Variants in PCLO observed in about 807,000 individuals in gnomAD.
PCLO encodes the protein piccolo presynaptic cytomatrix protein.
PCLO carries 82 observed loss-of-function variants against 427.5 expected under a neutral mutation model. That is an observed-to-expected ratio of 0.19 (90% CI 0.16 to 0.23). The LOEUF (loss-of-function observed/expected upper bound fraction) is 0.23, where lower values mean the gene tolerates loss of function less well. PCLO is among the 10% of genes least tolerant of loss of function. The probability of loss-of-function intolerance (pLI) is 1.00; values close to 1 mark genes in which losing one functional copy is unlikely to be tolerated. For synonymous variants in PCLO, 2,357 were observed against 2,155.4 expected, an observed-to-expected ratio of 1.09 and a Z score of -2.59; for missense variants, 6,239 against 6,115.9, an observed-to-expected ratio of 1.02 and a Z score of -0.67.
chr7:83,096,003 G>A (rs975727), intron 3 of PCLO, among the ~76,000 whole-genome samples: 54,737 of 151,622 alleles, frequency 0.36, 10,732 homozygotes, highest in East Asian at 0.64. Flanking sequence ...TCATTAAATC[G>A]GGGAGTTTAT....
chr7:83,139,309 T>A (rs1235084354), intron 2 of PCLO, among the ~76,000 whole-genome samples: 1 of 152,226 alleles, frequency 6.6e-6, no homozygotes, highest in Non-Finnish European at 1.5e-5. Flanking sequence ...TTTCTCTTTT[T>A]TTCTTCTGAA....
intron 3 of PCLO, among the ~76,000 whole-genome samples, chr7:83,050,456 A>T (rs1789223173): frequency 6.6e-6 from 1 of 151,698 alleles, no homozygotes; most frequent in African/African-American, 2.4e-5. Flanking sequence ...ATTAACTATC[A>T]TTTATACACT....
rs1186204207 is a variant in PCLO at position 82,956,501 on chromosome 7, T to C, written c.4452A>G (p.Gln1484=). 6.2e-7 allele frequency: 1 copy of C among 1,613,292 alleles called. No homozygotes were observed. The highest frequency in any genetic ancestry group is 1.1e-5 in the South Asian group (1 of 90,940). ...ERKDTFKKDS[Q]QDIPSSKDHK... ...GGTCCTTGCTGGAAGGAATATCTTG[T>C]TGGCTATCTTTTTTAAAAGTGTCTT... Residue 1484 remains glutamine, a synonymous_variant, in exon 5 of 25, where the codon CAA becomes CAG. Transcript: ENST00000333891.
intron 20 of PCLO, among the ~76,000 whole-genome samples, chr7:82,806,968 A>T (rs1269619931): frequency 2.7e-4 from 24 of 87,686 alleles, no homozygotes; most frequent in Admixed American, 4.0e-4. Context: ...TTCTCAAGGT[A>T]TCCCCACTCT....
rs879320268 is a variant in PCLO, at chr7:83,003,671, C to G, written c.3301-37184G>C. On this transcript the variant is annotated intron_variant, in intron 3 of 24. Coordinates refer to ENST00000333891, the MANE Select transcript of PCLO (RefSeq NM_033026.6). ...TATTGATTTGCATATGTTGCACCAT[C>G]TTTGCATCCTAAGGATAAATCCCCC... Among the ~76,000 whole-genome samples the G allele has an allele frequency of 1.7e-4, 26 of 151,860 alleles. No homozygotes were observed. In the Admixed American group the frequency reaches 1.7e-3, roughly 10 times the overall value.
intron 13 of PCLO, among the ~76,000 whole-genome samples, chr7:82,844,007 A>C (rs1377621991): frequency 6.6e-6 from 1 of 152,042 alleles, no homozygotes; most frequent in East Asian, 1.9e-4. Flanking sequence ...GTACAGTATA[A>C]ACATATACAA....
chr7:82,941,536 T>C (rs938568480), intron 6 of PCLO, among the ~76,000 whole-genome samples: 1 of 152,196 alleles, frequency 6.6e-6, no homozygotes, highest in Non-Finnish European at 1.5e-5. Flanking sequence ...CTTTAAAATA[T>C]GAAATAAAAG....
intron 9 of PCLO, among the ~76,000 whole-genome samples, chr7:82,882,908 C>T (rs1033738414): frequency 2.0e-5 from 3 of 151,946 alleles, no homozygotes; most frequent in Non-Finnish European, 4.4e-5. Context: ...ACAATGAAAG[C>T]TCTGGTATTT....
chr7:82,778,918 A>AT (rs11381632), intron 22 of PCLO, among the ~76,000 whole-genome samples: 92,262 of 151,684 alleles, frequency 0.61, 29,142 homozygotes, highest in East Asian at 0.87. Flanking sequence ...TTTCTTCAAA[A>AT]TTTTTTAGTC....
At chr7:82,973,966 A>G (rs1583859895) in intron 3 of PCLO, among the ~76,000 whole-genome samples, 1 of 152,126 alleles carries the variant, frequency 6.6e-6, no homozygotes, top group East Asian at 1.9e-4. Flanking sequence ...TGAATTTTCG[A>G]TGTTTTCAAT....
intron 13 of PCLO, among the ~76,000 whole-genome samples, chr7:82,841,896 G>A (rs536492001): frequency 3.3e-5 from 5 of 152,094 alleles, no homozygotes; most frequent in East Asian, 1.9e-4. Context: ...AAGAACTGCC[G>A]AGGAGCACAG....
intron 11 of PCLO, 66 bp from the exon 12 acceptor site, chr7:82,846,700 C>T: frequency 2.0e-6 from 2 of 1,019,686 alleles, no homozygotes; most frequent in Admixed American, 2.4e-5. Context: ...CACTTTTTTC[C>T]AACTACCCTT....
chr7:82,830,736 A>G (rs1218464748), intron 16 of PCLO, among the ~76,000 whole-genome samples: 1 of 152,046 alleles, frequency 6.6e-6, no homozygotes, highest in Non-Finnish European at 1.5e-5. Flanking sequence ...TTAATATCAA[A>G]TGCAAACCCA....
chr7:83,004,072 C>T (rs968009159), intron 3 of PCLO, among the ~76,000 whole-genome samples: 21 of 151,600 alleles, frequency 1.4e-4, no homozygotes, highest in Non-Finnish European at 3.1e-4. Context: ...ATGAGAAGCT[C>T]GCACCTAACC....
intron 9 of PCLO, among the ~76,000 whole-genome samples, chr7:82,900,697 G>C (rs1308556744): frequency 2.0e-5 from 3 of 151,366 alleles, no homozygotes; most frequent in Non-Finnish European, 4.4e-5. Context: ...TTGGATCCTG[G>C]ACCAGAAAAA....
Position 82,988,377 on chromosome 7 carries a change from G to A in PCLO, c.3301-21890C>T, listed in dbSNP as rs1796301525. On this transcript the variant is annotated intron_variant, in intron 3 of 24. Coordinates refer to ENST00000333891, the MANE Select transcript of PCLO (RefSeq NM_033026.6). ...ATAATTGAAAACTTAGTGGAAGAAA[G>A]AAGAAAAAATAATCAGATATAAACT... 3.9e-5 allele frequency among the ~76,000 whole-genome samples: 6 copies of A among 151,998 alleles called. No homozygotes were observed. In the South Asian group the frequency reaches 1.2e-3, roughly 32 times the overall value.
chr7:83,085,874 A>G (rs1308950796), intron 3 of PCLO, among the ~76,000 whole-genome samples: 2 of 152,178 alleles, frequency 1.3e-5, no homozygotes, highest in Non-Finnish European at 2.9e-5. Flanking sequence ...TTAAAATACC[A>G]TTAGCAATAT....
At position 83,162,540 on chromosome 7, in the gene PCLO, G is replaced by T; in HGVS notation, c.53C>A (p.Ala18Glu). ...EGEGLPEGLA[A>E]AAAAGGGASG... ...AGCTCCTCCTCCAGCCGCTGCGGCC[G>T]CCGCCAGCCCTTCGGGGAGCCCTTC... The change falls in exon 1 of 25, where the codon GCG becomes GAG. Residue 18 changes from alanine (A) to glutamate (E), a missense_variant. Coordinates refer to ENST00000333891, the MANE Select transcript of PCLO (RefSeq NM_033026.6). 1 of 1,553,646 alleles carries T rather than the reference G, an allele frequency of 6.4e-7. No homozygotes were observed. Among genetic ancestry groups the T allele is most frequent in the South Asian group, 1.2e-5 (1 of 84,382 alleles).
Position 82,950,312 on chromosome 7 carries a change from T to G in PCLO, c.10276A>C (p.Met3426Leu), listed in dbSNP as rs1795307071. ...GAKVRGQYDD[M>L]GENMTDDPRS... ...GGATCATCTGTCATATTTTCTCCCA[T>G]GTCATCATACTGTCCTCGGACTTTA... Residue 3426 changes from methionine (M) to leucine (L), a missense_variant, in exon 6 of 25, where the codon ATG (methionine) becomes CTG (leucine). Physicochemically the swap from Met to Leu is conservative, Grantham distance 15 (BLOSUM62 2). Around this residue, in one of 5 missense-constraint regions of PCLO, gnomAD observed 4,677 missense variants for 4,468.4 expected, o/e 1.05. Transcript: ENST00000333891. The G allele has an allele frequency of 1.2e-6, 2 of 1,613,574 alleles. No homozygotes were observed. The highest frequency in any genetic ancestry group is 8.5e-7 in the Non-Finnish European group (1 of 1,179,838).
Sources: allele counts gnomAD v4.1 joint callset (sites outside exome capture counted in the v4.1 genomes callset), GRCh38; gene constraint gnomAD v4.1.1; regional missense constraint gnomAD v4.1.1; transcripts MANE v1.5; gene names NCBI Gene and HGNC (gene_info 2026-07-23, HGNC 2026-07-21).